Variants in EIF4B observed in about 807,000 individuals in gnomAD.
The protein encoded by EIF4B is eukaryotic translation initiation factor 4B.
In EIF4B, 8 loss-of-function variants were observed where a neutral mutation model predicts 79.3. The ratio of observed to expected loss-of-function variants is 0.10; its 90% CI spans 0.06 to 0.18. The LOEUF (loss-of-function observed/expected upper bound fraction) is 0.18, where lower values mean the gene tolerates loss of function less well. EIF4B is among the 10% of genes least tolerant of loss of function. The pLI, the probability that EIF4B is intolerant of heterozygous loss-of-function variation, is 1.00. For missense variants in EIF4B, 515 were observed against 792.4 expected (o/e 0.65, Z 4.20); for synonymous variants, 238 against 274.7 (o/e 0.87, Z 1.32).
At chr12:53,019,152 A>C (rs1035782276) in intron 3 of EIF4B, 146 bp downstream of exon 3, 355 of 1,002,956 alleles carry the variant, frequency 3.5e-4, no homozygotes, top group Non-Finnish European at 4.7e-4. Flanking sequence ...TAATCCCAGC[A>C]CTCTGGGAGT....
chr12:53,023,578 A>ATTTTTT (rs1210893432), intron 6 of EIF4B, among the ~76,000 whole-genome samples: 1 of 109,220 alleles, frequency 9.2e-6, no homozygotes, highest in African/African-American at 3.7e-5. Flanking sequence ...AAAATGTAAA[A>ATTTTTT]TTTTTTTTTT....
chr12:53,039,583 G>T, intron 13 of EIF4B, 47 bp from the exon 14 acceptor site: 1 of 1,606,014 alleles, frequency 6.2e-7, no homozygotes. Context: ...GTTTGTATTA[G>T]GCGAGTCCTT....
chr12:53,030,609 A>T (rs1943424785), intron 8 of EIF4B, among the ~76,000 whole-genome samples: 2 of 151,238 alleles, frequency 1.3e-5, no homozygotes. Context: ...ACGGGGTTGC[A>T]CCATGTTGGC....
chr12:53,015,507 A>G (rs1943133437), intron 1 of EIF4B, among the ~76,000 whole-genome samples: 1 of 151,644 alleles, frequency 6.6e-6, no homozygotes, highest in Non-Finnish European at 1.5e-5. Context: ...CCTGGGCAAC[A>G]TAGGGAATTA....
rs1362194271 is a variant in EIF4B, at chr12:53,041,311, C to G, written c.*1088C>G. 1.3e-5 allele frequency: 2 copies of G among 152,048 alleles called. No homozygotes were observed. Among genetic ancestry groups the G allele is most frequent in the Non-Finnish European group, 2.9e-5 (2 of 68,012 alleles). 9.4% of individuals were successfully genotyped at this position (152,048 alleles called of 1,614,324 possible). A position where few individuals can be genotyped will look rare whatever the true frequency, so the allele number is the denominator to read the frequency against. ...CCTTGCCTGCTCCTGATGCTTGGAC[C>G]CCTTTTATTGATCAGAGTGCTCTAG... On this transcript the variant is annotated 3_prime_UTR_variant, in exon 15 of 15. Coordinates refer to ENST00000262056, the MANE Select transcript of EIF4B (RefSeq NM_001417.7).
Position 53,012,478 on chromosome 12 carries a change from C to T in EIF4B, c.14-3995C>T, listed in dbSNP as rs113551872. 6.6e-3 allele frequency among the ~76,000 whole-genome samples: 990 copies of T among 150,672 alleles called. 12 individuals are homozygous for T. Among genetic ancestry groups the T allele is most frequent in the African/African-American group, 0.023 (942 of 40,966 alleles). ...CTGAGGCAGGAGAATCGCTTGAACC[C>T]GGGAGGCGGAGGTTTCGGTGAGCCG... On this transcript the variant is annotated intron_variant, in intron 1 of 14. Coordinates refer to ENST00000262056, the MANE Select transcript of EIF4B (RefSeq NM_001417.7).
intron 1 of EIF4B, among the ~76,000 whole-genome samples, chr12:53,009,720 G>A (rs1373697808): frequency 1.3e-5 from 2 of 152,138 alleles, no homozygotes; most frequent in Non-Finnish European, 1.5e-5. Context: ...AGATTCCCTA[G>A]TGTCAAGTTC....
chr12:53,037,264 A>T, intron 10 of EIF4B, 145 bp from the exon 11 acceptor site: 3 of 842,354 alleles, frequency 3.6e-6, no homozygotes, highest in Non-Finnish European at 5.5e-6. Flanking sequence ...TGTTCTGGAA[A>T]TACTTGTAAA....
chr12:53,034,462 G>T, intron 9 of EIF4B, 150 bp from the exon 10 acceptor site: 1 of 758,632 alleles, frequency 1.3e-6, no homozygotes, highest in Non-Finnish European at 2.2e-6. Flanking sequence ...CTTAATGTCT[G>T]TAGCTTTCAA....
In EIF4B at chr12:53,019,450, C is replaced by CTTT. The variant is rs71095966; in HGVS notation, c.361-438_361-436dup. On this transcript the variant is annotated intron_variant, in intron 3 of 14. Transcript: ENST00000262056. Reference sequence around the variant, plus strand: ...ATATATATATATATTTTTTTTTTTTCTTTTTTTTTTTTTTTTTTTTTTTTG... The same window carrying CTTT: ...ATATATATATATATTTTTTTTTTTTCTTTTTTTTTTTTTTTTTTTTTTTTTTTG... 3.0e-3 allele frequency among the ~76,000 whole-genome samples: 201 copies of CTTT among 66,014 alleles called. 4 individuals are homozygous for CTTT. The highest frequency in any genetic ancestry group is 4.4e-3 in the African/African-American group (92 of 20,718). The allele number at this position is 66,014 out of a possible 152,430, so 43.3% of individuals were successfully genotyped here.
At position 53,038,399 on chromosome 12, in the gene EIF4B, C is replaced by T; in HGVS notation, c.1564C>T (p.Pro522Ser). Residue 522 changes from proline (P) to serine (S), a missense_variant, in exon 12 of 15, where the codon CCA becomes TCA. By Grantham distance (74) the Pro-to-Ser change is moderately conservative. Around this residue, in one of 6 missense-constraint regions of EIF4B, gnomAD observed 146 missense variants for 228.0 expected, o/e 0.64. Transcript: ENST00000262056. ...VAPAQPSEEG[P>S]GRKDENKVDG... Reference sequence around the variant, plus strand: ...TCCAGCTCAACCATCTGAGGAAGGACCAGGAAGGAAAGGTGAGCTCATAGT... The same window carrying T: ...TCCAGCTCAACCATCTGAGGAAGGATCAGGAAGGAAAGGTGAGCTCATAGT... The T allele has an allele frequency of 1.3e-6, 2 of 1,598,262 alleles. No homozygotes were observed. The highest frequency in any genetic ancestry group is 1.7e-6 in the Non-Finnish European group (2 of 1,171,846).
At position 53,039,304 on chromosome 12, in the gene EIF4B, G is replaced by C. The variant is rs746838256; in HGVS notation, c.1643G>C (p.Gly548Ala). The C allele has an allele frequency of 9.9e-6, 16 of 1,611,174 alleles. No individual in the cohort carries two copies. The highest frequency in any genetic ancestry group is 1.3e-5 in the African/African-American group (1 of 74,902). Residue 548 changes from glycine to alanine, a missense_variant, in exon 13 of 15, where the codon GGC becomes GCC. Transcript: ENST00000262056. ...GQTGNSSRGPGDGGNRDHWKE... is the reference protein window; with the variant it reads ...GQTGNSSRGPADGGNRDHWKE... ...ACTGGGAACTCTAGCCGTGGTCCAG[G>C]CGACGGAGGGAACAGAGACCACTGG...
At chr12:53,009,509 A>G (rs1164214877) in intron 1 of EIF4B, among the ~76,000 whole-genome samples, 2 of 152,162 alleles carry the variant, frequency 1.3e-5, no homozygotes, top group South Asian at 2.1e-4. Flanking sequence ...AAAAAAAACA[A>G]AAACAAACTT....
At chr12:53,018,085 G>A (rs563132709) in intron 2 of EIF4B, among the ~76,000 whole-genome samples, 4 of 152,102 alleles carry the variant, frequency 2.6e-5, no homozygotes, top group Admixed American at 6.6e-5. Context: ...GCCGCCTCCC[G>A]GTTCAATAGA....
At chr12:53,029,884 T>C (rs1305771798) in intron 8 of EIF4B, among the ~76,000 whole-genome samples, 1 of 151,222 alleles carries the variant, frequency 6.6e-6, no homozygotes, top group East Asian at 1.9e-4. Flanking sequence ...AAGTCTTTAC[T>C]CCTTCCTCAA....
At chr12:53,025,299 T>C (rs1943315678) in intron 6 of EIF4B, 1 of 452,476 alleles carries the variant, frequency 2.2e-6, no homozygotes, top group African/African-American at 2.0e-5. Context: ...GGGCATGACT[T>C]TTCTCACCTG....
chr12:53,041,304 C>T lies in EIF4B; in HGVS notation c.*1081C>T, dbSNP rs1312753219. 7 of 152,140 alleles carry T rather than the reference C, an allele frequency of 4.6e-5. No homozygotes were observed. The East Asian group carries it at 7.7e-4, about 17-fold the overall frequency. 9.4% of individuals were successfully genotyped at this position (152,140 alleles called of 1,614,324 possible). A position where few individuals can be genotyped will look rare whatever the true frequency, so the allele number is the denominator to read the frequency against. On this transcript the variant is annotated 3_prime_UTR_variant, in exon 15 of 15. Transcript: ENST00000262056. Reference sequence around the variant, plus strand: ...TGGTTCTCCTTGCCTGCTCCTGATGCTTGGACCCCTTTTATTGATCAGAGT... The same window carrying T: ...TGGTTCTCCTTGCCTGCTCCTGATGTTTGGACCCCTTTTATTGATCAGAGT...
intron 8 of EIF4B, among the ~76,000 whole-genome samples, chr12:53,031,730 A>C (rs1278123010): frequency 6.6e-6 from 1 of 152,244 alleles, no homozygotes; most frequent in East Asian, 1.9e-4. Flanking sequence ...AGATCTTGTT[A>C]AACAGTACCC....
intron 6 of EIF4B, among the ~76,000 whole-genome samples, chr12:53,025,502 T>TA (rs1266394043): frequency 6.6e-6 from 1 of 152,192 alleles, no homozygotes; most frequent in Non-Finnish European, 1.5e-5. Flanking sequence ...ATGTCAGTAA[T>TA]AGCATGTGCT....
Sources: allele counts gnomAD v4.1 joint callset (sites outside exome capture counted in the v4.1 genomes callset), GRCh38; gene constraint gnomAD v4.1.1; regional missense constraint gnomAD v4.1.1; transcripts MANE v1.5; gene names NCBI Gene and HGNC (gene_info 2026-07-23, HGNC 2026-07-21).